RERE: variants seen among roughly 807,000 people sequenced by gnomAD.
RERE encodes arginine-glutamic acid dipeptide repeats, also known as arginine-glutamic acid dipeptide repeats protein.
Under a neutral mutation model 146.1 loss-of-function variants are expected in RERE, and 40 were observed. That is an observed-to-expected ratio of 0.27 (90% CI 0.21 to 0.36). The LOEUF (loss-of-function observed/expected upper bound fraction) is 0.36, where lower values mean the gene tolerates loss of function less well. Ranked by LOEUF, RERE falls within the 10% of genes least tolerant of loss-of-function variation. The pLI is 1.00. For synonymous variants in RERE, 1,003 were observed against 866.0 expected, an observed-to-expected ratio of 1.16 and a Z score of -2.78; for missense variants, 1,933 against 2,138.7, an observed-to-expected ratio of 0.90 and a Z score of 1.90.
chr1:8,729,587 T>C (rs1325330909), intron 1 of RERE, among the ~76,000 whole-genome samples: 1 of 152,110 alleles, frequency 6.6e-6, no homozygotes, highest in Non-Finnish European at 1.5e-5. Flanking sequence ...AGTTCCATAC[T>C]TGAAACAGAG....
chr1:8,510,437 T>A (rs1645319819), intron 7 of RERE, among the ~76,000 whole-genome samples: 1 of 152,128 alleles, frequency 6.6e-6, no homozygotes, highest in Non-Finnish European at 1.5e-5. Context: ...ATCATACAAG[T>A]CATCTTCATT....
chr1:8,686,326 G>A (rs368515077), intron 1 of RERE, among the ~76,000 whole-genome samples: 3 of 152,264 alleles, frequency 2.0e-5, no homozygotes, highest in South Asian at 2.1e-4. Flanking sequence ...AGGGAATTAC[G>A]TAGAAATTCA....
intron 4 of RERE, among the ~76,000 whole-genome samples, chr1:8,584,382 G>A (rs540859931): frequency 4.6e-5 from 7 of 151,698 alleles, no homozygotes; most frequent in East Asian, 1.9e-4. Flanking sequence ...CTATCTCAAC[G>A]AAAAATAAAA....
At chr1:8,647,310 G>A (rs72855864) in intron 2 of RERE, among the ~76,000 whole-genome samples, 2,724 of 152,178 alleles carry the variant, frequency 0.018, 98 homozygotes, top group African/African-American at 0.063. Context: ...GGTCACAGAG[G>A]GTCTACAGTG....
intron 1 of RERE, among the ~76,000 whole-genome samples, chr1:8,685,614 G>A (rs992331711): frequency 2.0e-5 from 3 of 152,176 alleles, no homozygotes; most frequent in Admixed American, 2.0e-4. Context: ...GCACGCCCCT[G>A]TAGTCCCAGC....
At chr1:8,519,067 A>T (rs1645456934) in intron 7 of RERE, among the ~76,000 whole-genome samples, 1 of 152,156 alleles carries the variant, frequency 6.6e-6, no homozygotes, top group African/African-American at 2.4e-5. Flanking sequence ...TCAGAATTAA[A>T]TGAACCTGAA....
At position 8,359,902 on chromosome 1, in the gene RERE, G is replaced by A; in HGVS notation, c.3480C>T (p.Ala1160=). Residue 1160 remains alanine, a synonymous_variant, in exon 19 of 23, where the codon GCC becomes GCT. Coordinates refer to ENST00000400908, the MANE Select transcript of RERE (RefSeq NM_001042681.2). ...YFMPLAGSKL[A]KKREEAIEKA... Reference sequence around the variant, plus strand: ...TCTCAATGGCCTCCTCCCTCTTCTTGGCCAGCTTGGACCCGGCCAGAGGCA... The same window carrying A: ...TCTCAATGGCCTCCTCCCTCTTCTTAGCCAGCTTGGACCCGGCCAGAGGCA... 1 of 1,613,272 alleles carries A rather than the reference G, an allele frequency of 6.2e-7. No individual in the cohort carries two copies. The highest frequency in any genetic ancestry group is 2.2e-5 in the East Asian group (1 of 44,866).
At chr1:8,786,191 A>AAC in intron 1 of RERE, 2 of 700,088 alleles carry the variant, frequency 2.9e-6, no homozygotes, top group Non-Finnish European at 5.0e-6. Context: ...AATTGTGGTA[A>AAC]ACACCTCGGT....
chr1:8,513,809 C>A (rs986157841), intron 7 of RERE, among the ~76,000 whole-genome samples: 5 of 152,090 alleles, frequency 3.3e-5, no homozygotes, highest in Non-Finnish European at 7.4e-5. Context: ...AACAAAAACT[C>A]AACAAGTAAT....
chr1:8,510,183 C>A (rs931421671), intron 7 of RERE, among the ~76,000 whole-genome samples: 5 of 152,102 alleles, frequency 3.3e-5, no homozygotes, highest in African/African-American at 1.2e-4. Context: ...GCATCTGTAC[C>A]AAAACACCAG....
intron 1 of RERE, among the ~76,000 whole-genome samples, chr1:8,716,591 G>C (rs1002452305): frequency 1.3e-5 from 2 of 151,812 alleles, no homozygotes; most frequent in African/African-American, 4.8e-5. Flanking sequence ...TCAAGGATGG[G>C]AGGAACTACT....
chr1:8,629,963 G>A (rs1019113485), intron 2 of RERE, among the ~76,000 whole-genome samples: 6 of 152,150 alleles, frequency 3.9e-5, no homozygotes, highest in African/African-American at 1.2e-4. Context: ...GTGGCACAGC[G>A]GTGAAATGGG....
chr1:8,751,003 G>C lies in RERE; in HGVS notation c.-145+66157C>G, dbSNP rs1045761350. The C allele has an allele frequency of 7.7e-6, 5 of 648,602 alleles. No homozygotes were observed. The African/African-American group carries it at 9.0e-5, about 12-fold the overall frequency. The allele number at this position is 648,602 out of a possible 1,614,324, so 40.2% of individuals were successfully genotyped here. On this transcript the variant is annotated intron_variant, in intron 1 of 22. Coordinates refer to ENST00000400908, the MANE Select transcript of RERE (RefSeq NM_001042681.2). ...TCTGCATGGAGGATCTGATTCATGAGATCTAAACTATTGGAAAATGCTTCA... is the reference window on the plus strand; with the variant it reads ...TCTGCATGGAGGATCTGATTCATGACATCTAAACTATTGGAAAATGCTTCA...
chr1:8,442,635 A>G, intron 11 of RERE, among the ~76,000 whole-genome samples: 1 of 152,140 alleles, frequency 6.6e-6, no homozygotes, highest in Non-Finnish European at 1.5e-5. Flanking sequence ...AGAATGGCCT[A>G]ATTCGGAAAA....
At chr1:8,470,817 T>TTTA (rs1644673971) in intron 10 of RERE, among the ~76,000 whole-genome samples, 1 of 118,920 alleles carries the variant, frequency 8.4e-6, no homozygotes, top group East Asian at 2.5e-4. Flanking sequence ...AAATACCTTT[T>TTTA]TTTTTTTTTT....
intron 11 of RERE, among the ~76,000 whole-genome samples, chr1:8,431,664 A>G (rs1644097537): frequency 6.6e-6 from 1 of 152,110 alleles, no homozygotes; most frequent in Non-Finnish European, 1.5e-5. Context: ...TCTTATAAAC[A>G]CTGTTTACTT....
chr1:8,766,046 G>A (rs891053707), intron 1 of RERE, among the ~76,000 whole-genome samples: 2 of 152,154 alleles, frequency 1.3e-5, no homozygotes, highest in African/African-American at 4.8e-5. Context: ...CTGGGAGGCA[G>A]AGGTTGCAGT....
In RERE at chr1:8,495,154, G is replaced by A. The variant is rs1206233080; in HGVS notation, c.1013C>T (p.Ala338Val). ...LMYLRAARSM[A>V]AFAGMCDGGS... Reference sequence around the variant, plus strand: ...TCCATCACACATTCCTGCAAATGCCGCCATGCTCCTTCAGAAGAAAAGGTT... The same window carrying A: ...TCCATCACACATTCCTGCAAATGCCACCATGCTCCTTCAGAAGAAAAGGTT... Residue 338 changes from alanine to valine, a missense_variant, in exon 10 of 23, where the codon GCG (alanine) becomes GTG (valine). Transcript: ENST00000400908. The A allele has an allele frequency of 5.6e-6, 9 of 1,612,584 alleles. No individual in the cohort carries two copies. The highest frequency in any genetic ancestry group is 2.7e-5 in the African/African-American group (2 of 74,872).
chr1:8,471,555 G>A (rs1323801174), intron 10 of RERE, among the ~76,000 whole-genome samples: 1 of 134,284 alleles, frequency 7.4e-6, no homozygotes, highest in Non-Finnish European at 1.6e-5. Context: ...TCACTCTGTT[G>A]CCTGAGCTAG....
Sources: allele counts gnomAD v4.1 joint callset (sites outside exome capture counted in the v4.1 genomes callset), GRCh38; gene constraint gnomAD v4.1.1; transcripts MANE v1.5; gene names NCBI Gene and HGNC (gene_info 2026-07-23, HGNC 2026-07-21).